Variants in KCNJ16 observed in about 807,000 individuals in gnomAD.
KCNJ16 encodes the protein potassium inwardly rectifying channel subfamily J member 16, also known as inward rectifier potassium channel 16.
KCNJ16 carries 15 observed loss-of-function variants against 18.5 expected under a neutral mutation model. The ratio of observed to expected loss-of-function variants is 0.81; its 90% CI spans 0.54 to 1.25. KCNJ16 has a LOEUF of 1.25. Ranked by LOEUF, KCNJ16 falls within the 50% of genes most tolerant of loss-of-function variation. The probability of loss-of-function intolerance (pLI) is 0.00; values close to 1 mark genes in which losing one functional copy is unlikely to be tolerated. For synonymous variants in KCNJ16, 174 were observed against 186.5 expected, an observed-to-expected ratio of 0.93 and a Z score of 0.55; for missense variants, 523 against 525.7, an observed-to-expected ratio of 0.99 and a Z score of 0.05.
At chr17:70,088,686 CAAA>C (rs2071950137) in intron 1 of KCNJ16, among the ~76,000 whole-genome samples, 1 of 151,786 alleles carries the variant, frequency 6.6e-6, no homozygotes, top group East Asian at 1.9e-4. Flanking sequence ...TGGCTATATT[CAAA>C]ATGGTTAGTG....
At chr17:70,109,558 C>T (rs1450532225) in intron 2 of KCNJ16, among the ~76,000 whole-genome samples, 1 of 149,982 alleles carries the variant, frequency 6.7e-6, no homozygotes. Context: ...TCCCCTCTTT[C>T]TCTTCCCCCT....
At chr17:70,126,256 T>A (rs951033231) in intron 2 of KCNJ16, among the ~76,000 whole-genome samples, 11 of 152,206 alleles carry the variant, frequency 7.2e-5, no homozygotes, top group African/African-American at 2.4e-4. Context: ...CCTGGGTCTG[T>A]TAGGTCGTAG....
At chr17:70,109,925 C>T (rs1286265580) in intron 2 of KCNJ16, among the ~76,000 whole-genome samples, 1 of 152,162 alleles carries the variant, frequency 6.6e-6, no homozygotes, top group African/African-American at 2.4e-5. Context: ...AAGGATCTCC[C>T]AAGGCTAAAA....
At chr17:70,093,224 G>A (rs2072205119) in intron 1 of KCNJ16, among the ~76,000 whole-genome samples, 1 of 152,156 alleles carries the variant, frequency 6.6e-6, no homozygotes, top group African/African-American at 2.4e-5. Context: ...CAAACTGGGT[G>A]GCATAAAACA....
At chr17:70,103,030 G>A (rs1381138165) in intron 2 of KCNJ16, among the ~76,000 whole-genome samples, 1 of 150,588 alleles carries the variant, frequency 6.6e-6, no homozygotes, top group African/African-American at 2.4e-5. Context: ...GACCTCCTGG[G>A]CTCAAGTGAT....
chr17:70,095,932 T>C (rs1160980276), intron 1 of KCNJ16, among the ~76,000 whole-genome samples: 1 of 133,702 alleles, frequency 7.5e-6, no homozygotes, highest in East Asian at 2.4e-4. Flanking sequence ...ACCCAGGCTG[T>C]AGTGCAGTGG....
rs1469051200 is a variant in KCNJ16 at position 70,135,252 on chromosome 17, AT to A, written c.*1910del. On this transcript the variant is annotated 3_prime_UTR_variant, in exon 4 of 4. Transcript: ENST00000392671. ...TTTACAGCAGCAATTACTTGGCTAA[AT>A]TAGAGTACTGCAATCTTGTAAGTAG... is the stretch of plus-strand genomic sequence containing the variant. 1 of 166,984 alleles carries A rather than the reference AT, an allele frequency of 6.0e-6. No homozygotes were observed. The highest frequency in any genetic ancestry group is 1.5e-5 in the Non-Finnish European group (1 of 68,124). 10.3% of individuals were successfully genotyped at this position (166,984 alleles called of 1,614,324 possible). A position where few individuals can be genotyped will look rare whatever the true frequency, so the allele number is the denominator to read the frequency against.
At chr17:70,089,287 T>A (rs552303339) in intron 1 of KCNJ16, among the ~76,000 whole-genome samples, 1 of 152,218 alleles carries the variant, frequency 6.6e-6, no homozygotes, top group Non-Finnish European at 1.5e-5. Flanking sequence ...AGGACTGTTC[T>A]ACAGCAGGAA....
intron 2 of KCNJ16, chr17:70,102,038 GTTGA>G (rs1301889993): frequency 6.6e-6 from 1 of 152,036 alleles, no homozygotes; most frequent in South Asian, 2.1e-4. Context: ...ATGGAAAAGA[GTTGA>G]TTGAATTATT....
At chr17:70,076,523 A>G (rs980029811) in intron 1 of KCNJ16, among the ~76,000 whole-genome samples, 2 of 152,178 alleles carry the variant, frequency 1.3e-5, no homozygotes, top group African/African-American at 4.8e-5. Context: ...TATTTTTAGA[A>G]CACGATAATT....
chr17:70,130,577 G>C (rs1006784357), intron 2 of KCNJ16, among the ~76,000 whole-genome samples: 1 of 152,154 alleles, frequency 6.6e-6, no homozygotes, highest in South Asian at 2.1e-4. Context: ...TGGAGGAAAA[G>C]AAAATTGATT....
intron 1 of KCNJ16, among the ~76,000 whole-genome samples, chr17:70,077,670 C>T (rs1439069619): frequency 2.6e-5 from 1 of 38,528 alleles, no homozygotes; most frequent in Non-Finnish European, 5.7e-5. Context: ...CCTGGTTAGG[C>T]TGTGTTTTTT....
chr17:70,121,954 GT>G (rs2144147871), intron 2 of KCNJ16, among the ~76,000 whole-genome samples: 1 of 152,220 alleles, frequency 6.6e-6, no homozygotes, highest in African/African-American at 2.4e-5. Context: ...GCAAGACTCT[GT>G]CTCAAAAGAA....
At chr17:70,080,895 G>T (rs1187844063) in intron 1 of KCNJ16, among the ~76,000 whole-genome samples, 1 of 152,176 alleles carries the variant, frequency 6.6e-6, no homozygotes, top group Non-Finnish European at 1.5e-5. Context: ...TCCGATTCAA[G>T]ATTTTCCTAT....
In KCNJ16 at chr17:70,132,751, C is replaced by T. The variant is rs148765286; in HGVS notation, c.664C>T (p.Arg222Cys). ...VEGTVRAQLLRYTEDSEGRMT... is the reference protein window; with the variant it reads ...VEGTVRAQLLCYTEDSEGRMT... ...AGGAACAGTTAGAGCCCAACTTCTC[C>T]GCTATACAGAAGACAGTGAAGGGAG... Residue 222 changes from arginine (R) to cysteine (C), a missense_variant, in exon 4 of 4, where the codon CGC becomes TGC. Coordinates refer to ENST00000392671, the MANE Select transcript of KCNJ16 (RefSeq NM_170741.4). 311 of 1,613,932 alleles carry T rather than the reference C, an allele frequency of 1.9e-4. No homozygotes were observed. The highest frequency in any genetic ancestry group is 1.4e-3 in the African/African-American group (102 of 75,008).
chr17:70,112,615 CATTTAT>C (rs2073236323), intron 2 of KCNJ16, among the ~76,000 whole-genome samples: 2 of 152,020 alleles, frequency 1.3e-5, no homozygotes, highest in South Asian at 4.1e-4. Flanking sequence ...TATTATCTAT[CATTTAT>C]GTGTACAAAA....
intron 2 of KCNJ16, among the ~76,000 whole-genome samples, chr17:70,122,435 C>A (rs989238559): frequency 5.9e-5 from 9 of 152,138 alleles, no homozygotes; most frequent in Non-Finnish European, 8.8e-5. Flanking sequence ...CCTTGGCCTC[C>A]CAAAGTGCTG....
intron 2 of KCNJ16, among the ~76,000 whole-genome samples, chr17:70,105,867 G>C (rs2072899734): frequency 1.3e-5 from 2 of 152,190 alleles, no homozygotes; most frequent in South Asian, 2.1e-4. Context: ...AAAATTCTAA[G>C]ACAGTATAGA....
intron 2 of KCNJ16, among the ~76,000 whole-genome samples, chr17:70,124,959 G>C (rs1333555860): frequency 6.6e-6 from 1 of 151,904 alleles, no homozygotes; most frequent in Non-Finnish European, 1.5e-5. Flanking sequence ...CCCATGTAGT[G>C]ATGGTTGTAA....
Sources: allele counts gnomAD v4.1 joint callset (sites outside exome capture counted in the v4.1 genomes callset), GRCh38; gene constraint gnomAD v4.1.1; transcripts MANE v1.5; gene names NCBI Gene and HGNC (gene_info 2026-07-23, HGNC 2026-07-21).